Variants in RYR2 observed in about 807,000 individuals in gnomAD.
RYR2 encodes the protein ryanodine receptor 2, also known as cardiac muscle ryanodine receptor-calcium release channel.
A neutral mutation model predicts 601.1 loss-of-function variants in RYR2; 227 were observed. The observed-to-expected ratio is 0.38, with a 90% CI of 0.34 to 0.42. The LOEUF is 0.42. Ranked by LOEUF, RYR2 falls within the 10% of genes least tolerant of loss-of-function variation. The pLI is 1.00. For synonymous variants in RYR2, 2,223 were observed against 2,175.1 expected (o/e 1.02, Z -0.61); for missense variants, 4,646 against 6,156.5 (o/e 0.75, Z 8.21).
intron 81 of RYR2, 98 bp from the exon 82 acceptor site, chr1:237,757,599 G>C: frequency 2.6e-6 from 2 of 768,738 alleles, no homozygotes; most frequent in Non-Finnish European, 4.6e-6. Flanking sequence ...TGCCTGGGGG[G>C]GCATAATAAT....
Position 237,828,395 on chromosome 1 carries a change from G to T in RYR2, c.14605G>T (p.Ala4869Ser). 1 of 1,562,688 alleles carries T rather than the reference G, an allele frequency of 6.4e-7. No individual in the cohort carries two copies. Among genetic ancestry groups the T allele is most frequent in the Non-Finnish European group, 8.7e-7 (1 of 1,150,868 alleles). Residue 4869 changes from alanine (A) to serine (S), a missense_variant, in exon 102 of 105, where the codon GCT becomes TCT. By Grantham distance (99) the Ala-to-Ser change is moderately conservative. Coordinates refer to ENST00000366574, the MANE Select transcript of RYR2 (RefSeq NM_001035.3). ...TTTAACACCAGGTCTAATTATTGAT[G>T]CTTTTGGAGAACTAAGAGACCAACA... Reference protein sequence around the residue: ...LAIIQGLIIDAFGELRDQQEQ... With the variant: ...LAIIQGLIIDSFGELRDQQEQ...
At chr1:237,707,580 C>T (rs1361190296) in intron 68 of RYR2, among the ~76,000 whole-genome samples, 3 of 152,022 alleles carry the variant, frequency 2.0e-5, no homozygotes, top group Admixed American at 1.3e-4. Context: ...TTTAGCAATC[C>T]ACTTGTAGCC....
chr1:237,335,293 A>T (rs1697138683), intron 3 of RYR2, among the ~76,000 whole-genome samples: 1 of 152,196 alleles, frequency 6.6e-6, no homozygotes, highest in South Asian at 2.1e-4. Context: ...TAATTCACAA[A>T]ATTATGATAG....
intron 1 of RYR2, among the ~76,000 whole-genome samples, chr1:237,243,300 C>T (rs181743169): frequency 9.8e-5 from 15 of 152,320 alleles, no homozygotes; most frequent in Admixed American, 9.8e-4. Context: ...AGTCTCTAAT[C>T]CAGGCTCCCA....
intron 29 of RYR2, among the ~76,000 whole-genome samples, chr1:237,581,675 G>A (rs1325674041): frequency 6.6e-6 from 1 of 152,194 alleles, no homozygotes; most frequent in Non-Finnish European, 1.5e-5. Context: ...TCAACATGGT[G>A]TGAATTAAGG....
intron 26 of RYR2, among the ~76,000 whole-genome samples, chr1:237,549,002 G>A (rs1223456988): frequency 6.6e-6 from 1 of 152,150 alleles, no homozygotes; most frequent in Non-Finnish European, 1.5e-5. Context: ...TCAGAATGGT[G>A]ATTTGAGGAT....
At chr1:237,631,230 C>T (rs1475306380) in intron 41 of RYR2, among the ~76,000 whole-genome samples, 197 bp from the exon 42 acceptor site, 9 of 152,230 alleles carry the variant, frequency 5.9e-5, no homozygotes, top group Non-Finnish European at 7.4e-5. Context: ...AATAGACATT[C>T]GTCAACCAAT....
chr1:237,537,674 A>G (rs1295234156), intron 25 of RYR2, among the ~76,000 whole-genome samples: 1 of 152,150 alleles, frequency 6.6e-6, no homozygotes, highest in Admixed American at 6.6e-5. Context: ...AAATGAATTA[A>G]CTATAGCTAG....
At chr1:237,740,916 C>T (rs1430995878) in intron 79 of RYR2, among the ~76,000 whole-genome samples, 2 of 152,144 alleles carry the variant, frequency 1.3e-5, no homozygotes, top group South Asian at 2.1e-4. Context: ...TGCAGATTTG[C>T]CTTCCAAATC....
At chr1:237,491,717 A>C in intron 17 of RYR2, 89 bp from the exon 18 acceptor site, 1 of 679,462 alleles carries the variant, frequency 1.5e-6, no homozygotes, top group African/African-American at 1.8e-5. Context: ...TGTTGTACTG[A>C]ATGCACCTAT....
chr1:237,721,838 A>G (rs1427662306), intron 73 of RYR2, among the ~76,000 whole-genome samples: 4 of 152,130 alleles, frequency 2.6e-5, no homozygotes, highest in African/African-American at 4.8e-5. Flanking sequence ...CATTTTTAAT[A>G]ACATACTTAT....
At chr1:237,563,478 T>C (rs1444487354) in intron 27 of RYR2, among the ~76,000 whole-genome samples, 1 of 151,602 alleles carries the variant, frequency 6.6e-6, no homozygotes, top group South Asian at 2.1e-4. Flanking sequence ...AAGAGTCCTT[T>C]TTTTTTTGTG....
At chr1:237,479,013 G>A (rs537205655) in intron 17 of RYR2, among the ~76,000 whole-genome samples, 1 of 152,256 alleles carries the variant, frequency 6.6e-6, no homozygotes, top group African/African-American at 2.4e-5. Flanking sequence ...GTGTTTTCTG[G>A]AGGCTTCGTA....
chr1:237,748,864 T>C (rs1430745797), intron 80 of RYR2, among the ~76,000 whole-genome samples: 1 of 152,200 alleles, frequency 6.6e-6, no homozygotes, highest in East Asian at 1.9e-4. Context: ...GTACAGACTT[T>C]TTTCCCTTGT....
chr1:237,577,783 C>T (rs1559055675), intron 29 of RYR2, among the ~76,000 whole-genome samples: 1 of 152,046 alleles, frequency 6.6e-6, no homozygotes, highest in Non-Finnish European at 1.5e-5. Context: ...TATCAGTAAT[C>T]CACGGTCCAC....
Position 237,681,880 on chromosome 1 carries a change from G to A in RYR2, c.9017+1303G>A, listed in dbSNP as rs142154008. ...AGGCACCAAGTTACCCTTAAACGTC[G>A]TGAAATTGAGGACACGTTGAAGTCT... On this transcript the variant is annotated intron_variant, in intron 62 of 104. Coordinates refer to ENST00000366574, the MANE Select transcript of RYR2 (RefSeq NM_001035.3). Among the ~76,000 whole-genome samples the A allele has an allele frequency of 2.5e-3, 378 of 152,284 alleles. 2 individuals carry two copies. The highest frequency in any genetic ancestry group is 8.8e-3 in the African/African-American group (365 of 41,564).
chr1:237,288,545 G>A (rs962429056), intron 2 of RYR2, among the ~76,000 whole-genome samples: 1 of 151,946 alleles, frequency 6.6e-6, no homozygotes, highest in South Asian at 2.1e-4. Context: ...TACCTAGGAG[G>A]ATTATGGCTG....
chr1:237,307,964 C>T (rs1694053011), intron 2 of RYR2, among the ~76,000 whole-genome samples: 1 of 151,330 alleles, frequency 6.6e-6, no homozygotes. Flanking sequence ...TGCTGAGACT[C>T]CATCTTGACT....
At chr1:237,785,110 T>C (rs558920868) in intron 90 of RYR2, 138 bp downstream of exon 90, 2 of 700,796 alleles carry the variant, frequency 2.9e-6, no homozygotes, top group Admixed American at 4.4e-5. Flanking sequence ...AAATGCTTTT[T>C]GGTAGACAAA....
Sources: allele counts gnomAD v4.1 joint callset (sites outside exome capture counted in the v4.1 genomes callset), GRCh38; gene constraint gnomAD v4.1.1; transcripts MANE v1.5; gene names NCBI Gene and HGNC (gene_info 2026-07-23, HGNC 2026-07-21).